CDH23: variants seen among roughly 807,000 people sequenced by gnomAD.
CDH23 encodes the protein cadherin related 23, also known as cadherin-23.
CDH23 carries 189 observed loss-of-function variants against 317.1 expected under a neutral mutation model. The ratio of observed to expected loss-of-function variants is 0.60; its 90% CI spans 0.53 to 0.67. CDH23 has a LOEUF of 0.67. Among genes scored for constraint, CDH23 ranks in the 30% least tolerant of loss-of-function variants. The pLI, the probability that CDH23 is intolerant of heterozygous loss-of-function variation, is 0.00. For synonymous variants in CDH23, 1,839 were observed against 1,876.8 expected (o/e 0.98, Z 0.52); for missense variants, 4,401 against 4,592.4 (o/e 0.96, Z 1.20).
At chr10:71,723,138 G>A (rs1460439038) in intron 28 of CDH23, among the ~76,000 whole-genome samples, 2 of 152,204 alleles carry the variant, frequency 1.3e-5, no homozygotes, top group Admixed American at 1.3e-4. Flanking sequence ...AGACCCAAAA[G>A]AAGTGGGAGA....
chr10:71,626,611 G>C (rs1016503487), intron 11 of CDH23, among the ~76,000 whole-genome samples: 2 of 152,204 alleles, frequency 1.3e-5, no homozygotes, highest in Non-Finnish European at 2.9e-5. Context: ...GTGTGACCTA[G>C]GGCATGGACC....
At position 71,797,190 on chromosome 10, in the gene CDH23, C is replaced by T. The variant is rs1841426518; in HGVS notation, c.6799C>T (p.Leu2267=). ...CTCAGTGATTGACAATGCCAGCGAC[C>T]TACCAGAGCGCTCTGTCAGTGTGCC... ...TLSVIDNASD[L]PERSVSVPNA... Residue 2267 remains leucine, a synonymous_variant, in exon 49 of 70, where the codon CTA becomes TTA. Transcript: ENST00000224721. 1 of 1,613,210 alleles carries T rather than the reference C, an allele frequency of 6.2e-7. No individual in the cohort carries two copies. The highest frequency in any genetic ancestry group is 8.5e-7 in the Non-Finnish European group (1 of 1,179,476).
At chr10:71,427,200 A>G (rs796264435) in intron 1 of CDH23, among the ~76,000 whole-genome samples, 35,190 of 128,650 alleles carry the variant, frequency 0.27, 6,453 homozygotes, top group Middle Eastern at 0.43. Flanking sequence ...GGAAAGAGAA[A>G]GAAAGAAAGA....
chr10:71,755,025 G>GT (rs1331029599), intron 38 of CDH23: 2 of 497,878 alleles, frequency 4.0e-6, no homozygotes, highest in African/African-American at 3.9e-5. Context: ...CCTTAAACAG[G>GT]TCCCCCAAGG....
At chr10:71,433,629 G>A (rs1020747815) in intron 1 of CDH23, among the ~76,000 whole-genome samples, 8 of 151,476 alleles carry the variant, frequency 5.3e-5, no homozygotes, top group East Asian at 2.0e-4. Context: ...TGCCAGACTC[G>A]CCATGTCTCA....
chr10:71,510,462 G>A (rs558543217), intron 4 of CDH23, among the ~76,000 whole-genome samples: 1 of 152,260 alleles, frequency 6.6e-6, no homozygotes, highest in Admixed American at 6.5e-5. Context: ...AGAGGCAAGA[G>A]GGACAGTGAC....
At chr10:71,506,471 G>A (rs1451454996) in intron 3 of CDH23, among the ~76,000 whole-genome samples, 2 of 152,192 alleles carry the variant, frequency 1.3e-5, no homozygotes, top group African/African-American at 4.8e-5. Context: ...TGTTTCTCAG[G>A]TGGGAAGCAA....
At chr10:71,550,156 G>C (rs151128177) in intron 6 of CDH23, among the ~76,000 whole-genome samples, 1 of 152,268 alleles carries the variant, frequency 6.6e-6, no homozygotes, top group African/African-American at 2.4e-5. Context: ...TTTACAATGG[G>C]GATAAAGCCT....
At chr10:71,609,951 C>T (rs1339770556) in intron 9 of CDH23, among the ~76,000 whole-genome samples, 1 of 142,872 alleles carries the variant, frequency 7.0e-6, no homozygotes, top group East Asian at 2.1e-4. Flanking sequence ...AGGACTCCCC[C>T]GTGTGTGTGT....
At position 71,682,563 on chromosome 10, in the gene CDH23, C is replaced by T. The variant is rs777039463; in HGVS notation, c.1977C>T (p.Ile659=). The T allele has an allele frequency of 3.7e-6, 6 of 1,613,256 alleles. No individual in the cohort carries two copies. The highest frequency in any genetic ancestry group is 1.3e-5 in the African/African-American group (1 of 74,906). Residue 659 remains isoleucine (I), a synonymous_variant, in exon 18 of 70, where the codon ATC becomes ATT. Transcript: ENST00000224721. ...TCAACAGCACCGTCCCTGTCACCAT[C>T]GAGGTGTTTGTAAGTACCCAGGGCC... ...PPLNSTVPVT[I]EVFDENDNPP... is the part of the protein sequence containing the mutation.
chr10:71,636,187 GGA>G (rs551711580), intron 11 of CDH23, among the ~76,000 whole-genome samples: 2 of 152,074 alleles, frequency 1.3e-5, no homozygotes, highest in East Asian at 3.9e-4. Context: ...CAGGAGAATG[GGA>G]GAGAGAGTTT....
At chr10:71,414,704 C>T (rs1301710107) in intron 1 of CDH23, among the ~76,000 whole-genome samples, 1 of 152,082 alleles carries the variant, frequency 6.6e-6, no homozygotes, top group African/African-American at 2.4e-5. Flanking sequence ...TTCTGCTGAC[C>T]TCATAATACA....
chr10:71,645,720 C>A, intron 12 of CDH23, 111 bp from the exon 13 acceptor site: 1 of 1,291,998 alleles, frequency 7.7e-7, no homozygotes, highest in Non-Finnish European at 1.1e-6. Flanking sequence ...TCCATTGCCC[C>A]AACCAAAGCA....
At chr10:71,438,160 G>T (rs189256115) in intron 1 of CDH23, among the ~76,000 whole-genome samples, 3 of 152,088 alleles carry the variant, frequency 2.0e-5, no homozygotes, top group Admixed American at 2.0e-4. Flanking sequence ...GACCAACATG[G>T]TGAAACCCCA....
At chr10:71,660,500 G>A (rs766844310) in intron 14 of CDH23, among the ~76,000 whole-genome samples, 1 of 151,912 alleles carries the variant, frequency 6.6e-6, no homozygotes, top group South Asian at 2.1e-4. Flanking sequence ...CATCACATCC[G>A]TCTCTCAAGC....
At chr10:71,642,225 G>A (rs1862585270) in intron 11 of CDH23, among the ~76,000 whole-genome samples, 1 of 151,914 alleles carries the variant, frequency 6.6e-6, no homozygotes, top group South Asian at 2.1e-4. Flanking sequence ...GTACATCTCA[G>A]TTTGTTCTGG....
intron 41 of CDH23, among the ~76,000 whole-genome samples, chr10:71,782,775 G>A (rs1840990734): frequency 6.6e-6 from 1 of 152,250 alleles, no homozygotes; most frequent in Non-Finnish European, 1.5e-5. Context: ...CCAGTTCTTT[G>A]GAGACCTTGG....
intron 14 of CDH23, among the ~76,000 whole-genome samples, chr10:71,647,291 C>T (rs1054179891): frequency 4.6e-5 from 7 of 152,212 alleles, no homozygotes; most frequent in African/African-American, 9.6e-5. Flanking sequence ...GGCAAAACCC[C>T]GTCTCTACTA....
Position 71,740,812 on chromosome 10 carries a change from C to T in CDH23, c.4489-10C>T, listed in dbSNP as rs756690616. 12 of 1,613,782 alleles carry T rather than the reference C, an allele frequency of 7.4e-6. No individual in the cohort carries two copies. The South Asian group carries it at 1.2e-4, about 16-fold the overall frequency. ...TTTAGCCCTGACTCCAGTTGCCCTC[C>T]TCCTTGCAGGTTGTGGCTTCTGACC... On this transcript the variant is annotated splice_polypyrimidine_tract_variant and intron_variant, in intron 36 of 69. Coordinates refer to ENST00000224721, the MANE Select transcript of CDH23 (RefSeq NM_022124.6).
Sources: allele counts gnomAD v4.1 joint callset (sites outside exome capture counted in the v4.1 genomes callset), GRCh38; gene constraint gnomAD v4.1.1; transcripts MANE v1.5; gene names NCBI Gene and HGNC (gene_info 2026-07-23, HGNC 2026-07-21).